Variants in SPATA32 observed in about 807,000 individuals in gnomAD.
SPATA32 encodes spermatogenesis-associated protein 32.
In SPATA32, 28 loss-of-function variants were observed where a neutral mutation model predicts 35.4. The observed-to-expected ratio is 0.79, with a 90% CI of 0.59 to 1.09. SPATA32 has a LOEUF of 1.09. SPATA32 is among the 50% of genes least tolerant of loss of function. The pLI, the probability that SPATA32 is intolerant of heterozygous loss-of-function variation, is 0.00. For missense variants in SPATA32, 409 were observed against 475.9 expected, an observed-to-expected ratio of 0.86 and a Z score of 1.31; for synonymous variants, 168 against 196.3, an observed-to-expected ratio of 0.86 and a Z score of 1.20.
Position 45,256,179 on chromosome 17 carries a change from G to A in SPATA32, c.109-106C>T. ...CCCCACCCCTGCCCTGGGTCCTGCTGTCTTCCCCCCGCCCCCTAACCCCAT... is the reference window on the plus strand; with the variant it reads ...CCCCACCCCTGCCCTGGGTCCTGCTATCTTCCCCCCGCCCCCTAACCCCAT... On this transcript the variant is annotated intron_variant, in intron 3 of 4. Transcript: ENST00000331780. The surrounding 1 kb of genome is among the most constrained non-coding windows in gnomAD (Gnocchi z 4.7). 7.3e-7 allele frequency: 1 copy of A among 1,364,936 alleles called. No individual in the cohort carries two copies. The highest frequency in any genetic ancestry group is 1.0e-6 in the Non-Finnish European group (1 of 981,068). 84.6% of individuals were successfully genotyped at this position (1,364,936 alleles called of 1,614,324 possible).
Position 45,256,157 on chromosome 17 carries a change from C to T in SPATA32, c.109-84G>A. 6.9e-7 allele frequency: 1 copy of T among 1,456,382 alleles called. No homozygotes were observed. Among genetic ancestry groups the T allele is most frequent in the Non-Finnish European group, 9.4e-7 (1 of 1,063,732 alleles). The allele number at this position is 1,456,382 out of a possible 1,614,324, so 90.2% of individuals were successfully genotyped here. A position where few individuals can be genotyped will look rare whatever the true frequency, so the allele number is the denominator to read the frequency against. On this transcript the variant is annotated intron_variant, in intron 3 of 4. Transcript: ENST00000331780. This position sits in a 1 kb window ranked among gnomAD's most constrained non-coding sequence, Gnocchi z 4.7. Reference sequence around the variant, plus strand: ...CCTCCCTGGCACCGAGTCCCTGCCCCACCCCTGCCCTGGGTCCTGCTGTCT... The same window carrying T: ...CCTCCCTGGCACCGAGTCCCTGCCCTACCCCTGCCCTGGGTCCTGCTGTCT...
chr17:45,255,993 TTCTGGG>T lies in SPATA32; in HGVS notation c.183_188del (p.Asp61_Pro62del), dbSNP rs748792252. Reference sequence around the variant, plus strand: ...AAGCCGGCACCTGTCCGATCTCCAGTTCTGGGTCTGGGTCTGGGTCTGGGTCCAGGT... The same window carrying T: ...AAGCCGGCACCTGTCCGATCTCCAGTTCTGGGTCTGGGTCTGGGTCCAGGT... On this transcript the variant is annotated inframe_deletion, in exon 4 of 5. Coordinates refer to ENST00000331780, the MANE Select transcript of SPATA32 (RefSeq NM_152343.3). This position sits in a 1 kb window ranked among gnomAD's most constrained non-coding sequence, Gnocchi z 5.4. 31 of 1,613,918 alleles carry T rather than the reference TTCTGGG, an allele frequency of 1.9e-5. No individual in the cohort carries two copies. The highest frequency in any genetic ancestry group is 1.3e-4 in the East Asian group (6 of 44,888).
At chr17:45,260,676 T>C (rs2043997822) in intron 1 of SPATA32, 1 of 152,398 alleles carries the variant, frequency 6.6e-6, no homozygotes, top group East Asian at 1.9e-4. Context: ...TCTGGGATGC[T>C]ACTCACTGCA....
At position 45,255,347 on chromosome 17, in the gene SPATA32, G is replaced by A. The variant is rs761777760; in HGVS notation, c.835C>T (p.Pro279Ser). ...PQEALEPSTE[P>S]LLTTVEEREP... ...CGCTCCTCCACAGTGGTCAGGAGGG[G>A]CTCTGTGGAAGGCTCCAGAGCCTCC... is the stretch of plus-strand genomic sequence containing the variant. Residue 279 changes from proline to serine, a missense_variant, in exon 4 of 5, where the codon CCC (proline) becomes TCC (serine). By Grantham distance (74) the Pro-to-Ser change is moderately conservative. Coordinates refer to ENST00000331780, the MANE Select transcript of SPATA32 (RefSeq NM_152343.3). The surrounding 1 kb of genome is among the most constrained non-coding windows in gnomAD (Gnocchi z 5.4). 19 of 1,614,084 alleles carry A rather than the reference G, an allele frequency of 1.2e-5. No homozygotes were observed. Among genetic ancestry groups the A allele is most frequent in the Non-Finnish European group, 1.5e-5 (18 of 1,180,030 alleles).
Position 45,255,097 on chromosome 17 carries a change from G to C in SPATA32, c.1067+18C>G. On this transcript the variant is annotated intron_variant, in intron 4 of 4. Transcript: ENST00000331780. The surrounding 1 kb of genome is among the most constrained non-coding windows in gnomAD (Gnocchi z 5.4). ...AGCACAGCCCCTCTATGGGAGCTGC[G>C]GGGCTGGCCTCACTCACTCTTCCTT... is the stretch of plus-strand genomic sequence containing the variant. The C allele has an allele frequency of 6.2e-7, 1 of 1,611,944 alleles. No individual in the cohort carries two copies. Among genetic ancestry groups the C allele is most frequent in the Non-Finnish European group, 8.5e-7 (1 of 1,178,306 alleles).
rs1262867848 is a variant in SPATA32 at position 45,255,999 on chromosome 17, G to A, written c.183C>T (p.Asp61=). Reference sequence around the variant, plus strand: ...GCACCTGTCCGATCTCCAGTTCTGGGTCTGGGTCTGGGTCTGGGTCCAGGT... The same window carrying A: ...GCACCTGTCCGATCTCCAGTTCTGGATCTGGGTCTGGGTCTGGGTCCAGGT... The part of the protein sequence containing the change: ...DLDLDPDPDP[D]PELEIGQVPA... Residue 61 remains aspartate (D), a synonymous_variant, in exon 4 of 5, where the codon GAC becomes GAT. Transcript: ENST00000331780. The surrounding 1 kb of genome is among the most constrained non-coding windows in gnomAD (Gnocchi z 5.4). 6.2e-7 allele frequency: 1 copy of A among 1,613,558 alleles called. No individual in the cohort carries two copies. The highest frequency in any genetic ancestry group is 1.3e-5 in the African/African-American group (1 of 74,848).
In SPATA32 at chr17:45,257,212, CA is replaced by C; in HGVS notation, c.14-6del. The C allele has an allele frequency of 6.2e-7, 1 of 1,609,344 alleles. No individual in the cohort carries two copies. The highest frequency in any genetic ancestry group is 8.5e-7 in the Non-Finnish European group (1 of 1,177,896). On this transcript the variant is annotated splice_region_variant and splice_polypyrimidine_tract_variant and intron_variant, in intron 1 of 4. Transcript: ENST00000331780. Reference sequence around the variant, plus strand: ...AGCATGGAAATCCATGGGCACCTGACAGGGGAAAGGAGGTGAGGGCAGGGAG... The same window carrying C: ...AGCATGGAAATCCATGGGCACCTGACGGGGAAAGGAGGTGAGGGCAGGGAG...
At position 45,257,202 on chromosome 17, in the gene SPATA32, G is replaced by T; in HGVS notation, c.19C>A (p.His7Asn). 1.2e-6 allele frequency: 2 copies of T among 1,611,114 alleles called. No homozygotes were observed. The highest frequency in any genetic ancestry group is 1.7e-6 in the Non-Finnish European group (2 of 1,178,844). ...CCTTTGCCGCAGCATGGAAATCCAT[G>T]GGCACCTGACAGGGGAAAGGAGGTG... MGVTGAHGFPCCGKGSV... is the reference protein window; with the variant it reads MGVTGANGFPCCGKGSV... The change falls in exon 2 of 5, where the codon CAT (histidine) becomes AAT (asparagine). Residue 7 changes from histidine (H) to asparagine (N), a missense_variant. Transcript: ENST00000331780.
chr17:45,261,673 C>T (rs1362609322), intron 1 of SPATA32: 3 of 350,494 alleles, frequency 8.6e-6, no homozygotes, highest in Non-Finnish European at 5.1e-6. Context: ...ATTCATGAGT[C>T]GTTTCCTGTG....
rs1318855625 is a variant in SPATA32 at position 45,257,005 on chromosome 17, C to T, written c.68+148G>A. ...GATAGGCGCCCCACGCCCTCCCCAG[C>T]CTTTTGGCCTGGACACTGGCCCCGG... On this transcript the variant is annotated intron_variant, in intron 2 of 4. Transcript: ENST00000331780. The T allele has an allele frequency of 1.9e-5, 16 of 857,004 alleles. No homozygotes were observed. In the Admixed American group the frequency reaches 3.3e-4, roughly 17 times the overall value. The allele number at this position is 857,004 out of a possible 1,614,324, so 53.1% of individuals were successfully genotyped here.
chr17:45,255,947 G>T lies in SPATA32; in HGVS notation c.235C>A (p.Pro79Thr), dbSNP rs767615981. The T allele has an allele frequency of 6.2e-7, 1 of 1,614,070 alleles. No individual in the cohort carries two copies. Among genetic ancestry groups the T allele is most frequent in the Non-Finnish European group, 8.5e-7 (1 of 1,180,008 alleles). The change falls in exon 4 of 5, where the codon CCA becomes ACA. Residue 79 changes from proline to threonine, a missense_variant. Transcript: ENST00000331780. The surrounding 1 kb of genome is among the most constrained non-coding windows in gnomAD (Gnocchi z 5.4). ...VPALLESELY[P>T]ALKLEAELDT... ...AGCTCAGCTTCAAGCTTGAGGGCTG[G>T]GTATAGCTCTGACTCCAGTAAAGCC...
At chr17:45,258,116 G>A (rs938712821) in intron 1 of SPATA32, among the ~76,000 whole-genome samples, 9 of 152,142 alleles carry the variant, frequency 5.9e-5, no homozygotes, top group African/African-American at 2.2e-4. Flanking sequence ...GGGAAGAATC[G>A]CTCCCAGGAT....
chr17:45,254,493 T>C lies in SPATA32; in HGVS notation c.1088A>G (p.Glu363Gly). 1.9e-6 allele frequency: 3 copies of C among 1,614,160 alleles called. No individual in the cohort carries two copies. Among genetic ancestry groups the C allele is most frequent in the Middle Eastern group, 1.7e-4 (1 of 6,056 alleles). Residue 363 changes from glutamate to glycine, a missense_variant, in exon 5 of 5, where the codon GAG becomes GGG. Coordinates refer to ENST00000331780, the MANE Select transcript of SPATA32 (RefSeq NM_152343.3). ...TTTCACCAATAATGGATTCTCTTTC[T>C]CTTTTCCTGGCGGCACTGAGCTGCA... ...SKEDSVPPGK[E>G]KENPLLVKIH...
intron 4 of SPATA32, 71 bp from the exon 5 acceptor site, chr17:45,254,584 C>A: frequency 6.8e-7 from 1 of 1,469,990 alleles, no homozygotes; most frequent in Admixed American, 1.7e-5. Flanking sequence ...AGCCCAGAGG[C>A]CCCTCTGAAG....
intron 2 of SPATA32, 53 bp downstream of exon 2, chr17:45,257,100 G>C: frequency 6.3e-7 from 1 of 1,592,820 alleles, no homozygotes; most frequent in East Asian, 2.2e-5. Context: ...GGTGAGGTCG[G>C]AGGTCCTGGA....
At position 45,255,027 on chromosome 17, in the gene SPATA32, G is replaced by C. The variant is rs550397668; in HGVS notation, c.1067+88C>G. On this transcript the variant is annotated intron_variant, in intron 4 of 4. Coordinates refer to ENST00000331780, the MANE Select transcript of SPATA32 (RefSeq NM_152343.3). The surrounding 1 kb of genome is among the most constrained non-coding windows in gnomAD (Gnocchi z 5.4). ...CCTGCTCCCAGGCCCTCATTCCACT[G>C]TTCCCCACCCCTACCCAGCTGTGTG... 4.0e-5 allele frequency: 52 copies of C among 1,310,708 alleles called. No homozygotes were observed. The highest frequency in any genetic ancestry group is 3.1e-4 in the South Asian group (23 of 75,202). The allele number at this position is 1,310,708 out of a possible 1,614,324, so 81.2% of individuals were successfully genotyped here.
rs754793148 is a variant in SPATA32 at position 45,255,956 on chromosome 17, C to G, written c.226G>C (p.Glu76Gln). 8.7e-6 allele frequency: 14 copies of G among 1,614,036 alleles called. No homozygotes were observed. The highest frequency in any genetic ancestry group is 3.4e-6 in the Non-Finnish European group (4 of 1,180,034). The stretch of plus-strand genomic sequence containing the variant: ...TCAAGCTTGAGGGCTGGGTATAGCT[C>G]TGACTCCAGTAAAGCCGGCACCTGT... ...IGQVPALLES[E>Q]LYPALKLEAE... is the part of the protein sequence containing the mutation. The change falls in exon 4 of 5, where the codon GAG (glutamate) becomes CAG (glutamine). Residue 76 changes from glutamate (E) to glutamine (Q), a missense_variant. Physicochemically the swap from Glu to Gln is conservative, Grantham distance 29 (BLOSUM62 2). Transcript: ENST00000331780. This position sits in a 1 kb window ranked among gnomAD's most constrained non-coding sequence, Gnocchi z 5.4.
At chr17:45,259,854 G>A (rs1251973687) in intron 1 of SPATA32, 5 of 152,010 alleles carry the variant, frequency 3.3e-5, no homozygotes, top group Non-Finnish European at 7.4e-5. Flanking sequence ...TCAGCCTTGC[G>A]TTACTGGGAT....
At chr17:45,261,102 T>TTTTTTG (rs1555634809) in intron 1 of SPATA32, 1,582 of 141,646 alleles carry the variant, frequency 0.011, 40 homozygotes, top group African/African-American at 0.031. Flanking sequence ...CTGGTTTTTT[T>TTTTTTG]TTTTTTTTTT....
Sources: gnomAD v4.1 joint callset for allele counts (sites outside exome capture counted in the v4.1 genomes callset) on GRCh38, gnomAD v4.1.1 for gene constraint, Gnocchi (gnomAD v3.1) non-coding constraint, MANE v1.5 for transcripts, NCBI Gene and HGNC (gene_info 2026-07-23, HGNC 2026-07-21) for gene names.